Variants in PCDH9 observed in about 807,000 individuals in gnomAD.
PCDH9 encodes the protein protocadherin 9.
Under a neutral mutation model 70.6 loss-of-function variants are expected in PCDH9, and 24 were observed. The observed-to-expected ratio is 0.34, with a 90% CI of 0.25 to 0.48. PCDH9 has a LOEUF of 0.48. Ranked by LOEUF, PCDH9 falls within the 20% of genes least tolerant of loss-of-function variation. PCDH9 has a pLI of 0.99. For missense variants in PCDH9, 1,281 were observed against 1,503.6 expected, an observed-to-expected ratio of 0.85 and a Z score of 2.45; for synonymous variants, 562 against 558.5, an observed-to-expected ratio of 1.01 and a Z score of -0.09.
At chr13:66,924,639 T>C (rs1458221740) in intron 2 of PCDH9, among the ~76,000 whole-genome samples, 3 of 151,820 alleles carry the variant, frequency 2.0e-5, no homozygotes, top group Non-Finnish European at 4.4e-5. Context: ...ATCAGTCTTA[T>C]ACATATTTTG....
intron 2 of PCDH9, among the ~76,000 whole-genome samples, chr13:67,128,150 G>A (rs932816762): frequency 1.3e-5 from 2 of 152,100 alleles, no homozygotes; most frequent in Non-Finnish European, 2.9e-5. Context: ...TACCCTTTTA[G>A]GATGTACCTC....
At chr13:66,369,434 A>G (rs1200474144) in intron 4 of PCDH9, among the ~76,000 whole-genome samples, 1 of 152,068 alleles carries the variant, frequency 6.6e-6, no homozygotes, top group Non-Finnish European at 1.5e-5. Flanking sequence ...ACTTGGTGAG[A>G]AGGAAATGTA....
intron 2 of PCDH9, among the ~76,000 whole-genome samples, chr13:66,935,095 A>C (rs2082894275): frequency 6.6e-6 from 1 of 151,296 alleles, no homozygotes; most frequent in Non-Finnish European, 1.5e-5. Context: ...ACGGGGTCTC[A>C]ATCTCTCCCA....
At chr13:66,817,144 A>T (rs747626507) in intron 3 of PCDH9, among the ~76,000 whole-genome samples, 26 of 152,178 alleles carry the variant, frequency 1.7e-4, no homozygotes, top group Admixed American at 3.9e-4. Context: ...GATGTGTAAG[A>T]GTTATATTCA....
At chr13:66,314,773 CAT>C (rs746747743) in intron 4 of PCDH9, among the ~76,000 whole-genome samples, 80 of 152,294 alleles carry the variant, frequency 5.3e-4, no homozygotes, top group South Asian at 8.3e-4. Context: ...GTCCTTGACA[CAT>C]GTTACATAAA....
At chr13:67,073,802 T>A (rs557823699) in intron 2 of PCDH9, among the ~76,000 whole-genome samples, 1 of 152,228 alleles carries the variant, frequency 6.6e-6, no homozygotes, top group South Asian at 2.1e-4. Flanking sequence ...GCTAACTAGA[T>A]GTCTATTACT....
intron 3 of PCDH9, among the ~76,000 whole-genome samples, chr13:66,749,971 T>C (rs911189211): frequency 2.0e-5 from 3 of 151,858 alleles, no homozygotes; most frequent in Middle Eastern, 6.3e-3. Flanking sequence ...TAAAAATATT[T>C]AAAAGAAAAA....
At chr13:66,429,334 A>G (rs1957728496) in intron 4 of PCDH9, among the ~76,000 whole-genome samples, 1 of 151,854 alleles carries the variant, frequency 6.6e-6, no homozygotes, top group Admixed American at 6.6e-5. Flanking sequence ...CAAGCAGTAT[A>G]ACTAGGAGGA....
intron 4 of PCDH9, among the ~76,000 whole-genome samples, chr13:66,397,351 C>T (rs904375933): frequency 6.6e-5 from 10 of 151,878 alleles, no homozygotes; most frequent in Non-Finnish European, 1.3e-4. Flanking sequence ...TTCAGGAGGT[C>T]AAGGCTTCGG....
At chr13:66,865,078 T>G (rs1003310118) in intron 3 of PCDH9, among the ~76,000 whole-genome samples, 1 of 152,202 alleles carries the variant, frequency 6.6e-6, no homozygotes, top group African/African-American at 2.4e-5. Flanking sequence ...AAACAGAATC[T>G]TCATACTTTT....
At chr13:66,909,005 C>A (rs1334037271) in intron 2 of PCDH9, among the ~76,000 whole-genome samples, 1 of 151,362 alleles carries the variant, frequency 6.6e-6, no homozygotes, top group East Asian at 1.9e-4. Flanking sequence ...ATAGGCAGAC[C>A]CTAAAATGAT....
At chr13:66,780,712 T>C (rs1267053527) in intron 3 of PCDH9, among the ~76,000 whole-genome samples, 1 of 152,160 alleles carries the variant, frequency 6.6e-6, no homozygotes, top group Non-Finnish European at 1.5e-5. Context: ...AAAATATGTA[T>C]ATAAAACTTA....
At chr13:66,361,411 A>G (rs964361230) in intron 4 of PCDH9, among the ~76,000 whole-genome samples, 4 of 152,198 alleles carry the variant, frequency 2.6e-5, no homozygotes, top group Non-Finnish European at 4.4e-5. Flanking sequence ...TATATCCACA[A>G]TAATACAGAA....
chr13:66,949,544 A>T (rs1308210871), intron 2 of PCDH9, among the ~76,000 whole-genome samples: 4 of 152,026 alleles, frequency 2.6e-5, no homozygotes, highest in Non-Finnish European at 4.4e-5. Context: ...GGGGCAAGCC[A>T]GATGCTCCTA....
At chr13:66,639,910 A>ATGAC (rs2077686887) in intron 3 of PCDH9, among the ~76,000 whole-genome samples, 1 of 152,172 alleles carries the variant, frequency 6.6e-6, no homozygotes, top group Admixed American at 6.5e-5. Flanking sequence ...GAAATATAAA[A>ATGAC]TGACTACATT....
chr13:66,519,748 A>G (rs1277851823), intron 4 of PCDH9, among the ~76,000 whole-genome samples: 2 of 152,082 alleles, frequency 1.3e-5, no homozygotes, highest in African/African-American at 4.8e-5. Flanking sequence ...ATCATTCTCA[A>G]TTATATAAGC....
chr13:67,071,175 T>G (rs2085754922), intron 2 of PCDH9, among the ~76,000 whole-genome samples: 1 of 152,172 alleles, frequency 6.6e-6, no homozygotes, highest in Non-Finnish European at 1.5e-5. Context: ...TTCATGACGA[T>G]AGAATAATCA....
chr13:66,620,952 A>G (rs575359618), intron 4 of PCDH9, among the ~76,000 whole-genome samples: 1 of 152,342 alleles, frequency 6.6e-6, no homozygotes, highest in East Asian at 1.9e-4. Context: ...CTTAACATGA[A>G]TGTTTGCAGA....
intron 2 of PCDH9, among the ~76,000 whole-genome samples, chr13:67,079,762 G>T (rs936286642): frequency 2.0e-5 from 3 of 152,038 alleles, no homozygotes; most frequent in Non-Finnish European, 4.4e-5. Flanking sequence ...TTTGAAGTCT[G>T]GAAAGAGACA....
Sources: gnomAD v4.1 joint callset for allele counts (sites outside exome capture counted in the v4.1 genomes callset) on GRCh38, gnomAD v4.1.1 for gene constraint, MANE v1.5 for transcripts, NCBI Gene and HGNC (gene_info 2026-07-23, HGNC 2026-07-21) for gene names.